CDH23: variants seen among roughly 807,000 people sequenced by gnomAD.
CDH23 encodes the protein cadherin related 23, also known as cadherin-23.
A neutral mutation model predicts 317.1 loss-of-function variants in CDH23; 189 were observed. The ratio of observed to expected loss-of-function variants is 0.60; its 90% CI spans 0.53 to 0.67. The LOEUF (loss-of-function observed/expected upper bound fraction) is 0.67. Ranked by LOEUF, CDH23 falls within the 30% of genes least tolerant of loss-of-function variation. CDH23 has a pLI of 0.00. For synonymous variants in CDH23, 1,839 were observed against 1,876.8 expected, an observed-to-expected ratio of 0.98 and a Z score of 0.52; for missense variants, 4,401 against 4,592.4, an observed-to-expected ratio of 0.96 and a Z score of 1.20.
intron 2 of CDH23, among the ~76,000 whole-genome samples, chr10:71,445,055 G>A (rs1385272828): frequency 6.6e-6 from 1 of 152,198 alleles, no homozygotes; most frequent in East Asian, 1.9e-4. Context: ...CCCAGCCCAT[G>A]TAGGTATCAC....
At chr10:71,574,797 G>T (rs945290790) in intron 8 of CDH23, among the ~76,000 whole-genome samples, 4 of 152,174 alleles carry the variant, frequency 2.6e-5, no homozygotes, top group Non-Finnish European at 5.9e-5. Flanking sequence ...GGGCCTCAGA[G>T]GCTGGGGCTG....
intron 22 of CDH23, 54 bp downstream of exon 22, chr10:71,695,579 G>GC (rs1865356486): frequency 7.8e-6 from 10 of 1,281,396 alleles, no homozygotes; most frequent in Non-Finnish European, 1.1e-5. Context: ...AGGGGTCTGT[G>GC]CCCCTCCCAC....
chr10:71,805,657 C>T, intron 55 of CDH23, 149 bp from the exon 56 acceptor site: 4 of 751,738 alleles, frequency 5.3e-6, no homozygotes, highest in Non-Finnish European at 8.4e-6. Flanking sequence ...CCAGGAGAAT[C>T]CAGCCGAGCA....
chr10:71,632,478 T>A (rs903192975), intron 11 of CDH23, among the ~76,000 whole-genome samples: 2 of 152,102 alleles, frequency 1.3e-5, no homozygotes, highest in Non-Finnish European at 2.9e-5. Context: ...CAGTGGGCAA[T>A]GACAGAGAGC....
In CDH23 at chr10:71,810,472, T is replaced by C. The variant is rs1841882783; in HGVS notation, c.8980T>C (p.Phe2994Leu). Residue 2994 changes from phenylalanine (F) to leucine (L), a missense_variant and splice_region_variant, in exon 62 of 70, where the codon TTC becomes CTC. Coordinates refer to ENST00000224721, the MANE Select transcript of CDH23 (RefSeq NM_022124.6). ...CCCTACAATACCCCTTCTCATCTAG[T>C]TCCATGTGGACAAGAAGGGCCGGGT... ...GAIVNTDNVQ[F>L]HVDKKGRVNF... The C allele has an allele frequency of 3.1e-6, 5 of 1,613,760 alleles. No homozygotes were observed. The highest frequency in any genetic ancestry group is 1.3e-5 in the African/African-American group (1 of 74,936).
rs117199209 is a variant in CDH23 at position 71,528,373 on chromosome 10, A to G, written c.429+17161A>G. Among the ~76,000 whole-genome samples the G allele has an allele frequency of 9.5e-4, 145 of 152,300 alleles. 2 individuals are homozygous for G. The East Asian group carries it at 0.025, about 26-fold the overall frequency. ...GGCGTATGTTGGTAAACTGAGGTCC[A>G]GGACCTCAGTGCCCCCTCGGCCTGG... On this transcript the variant is annotated intron_variant, in intron 6 of 69. Transcript: ENST00000224721.
At chr10:71,536,798 T>C (rs755233890) in intron 6 of CDH23, among the ~76,000 whole-genome samples, 2 of 151,776 alleles carry the variant, frequency 1.3e-5, no homozygotes, top group African/African-American at 2.4e-5. Flanking sequence ...GGATCCCAAG[T>C]GGAGGAGGTG....
intron 11 of CDH23, among the ~76,000 whole-genome samples, chr10:71,622,368 C>G (rs1397381669): frequency 6.6e-6 from 1 of 152,188 alleles, no homozygotes; most frequent in Non-Finnish European, 1.5e-5. Context: ...CACTGGCAGT[C>G]CTGTTTTCCC....
intron 11 of CDH23, among the ~76,000 whole-genome samples, chr10:71,630,458 T>C (rs1861953587): frequency 6.6e-6 from 1 of 152,144 alleles, no homozygotes; most frequent in African/African-American, 2.4e-5. Flanking sequence ...GGTCAGCCGC[T>C]GGATCTGTTT....
At chr10:71,608,725 G>A (rs1306408125) in intron 9 of CDH23, among the ~76,000 whole-genome samples, 5 of 152,214 alleles carry the variant, frequency 3.3e-5, no homozygotes, top group Non-Finnish European at 7.3e-5. Flanking sequence ...ACTGCACAGG[G>A]CAGCTGCCTC....
intron 38 of CDH23, among the ~76,000 whole-genome samples, chr10:71,746,746 G>A (rs1341934622): frequency 1.3e-5 from 2 of 152,184 alleles, no homozygotes; most frequent in Non-Finnish European, 2.9e-5. Flanking sequence ...GTGAATTGCA[G>A]CCAACCGATA....
intron 11 of CDH23, among the ~76,000 whole-genome samples, chr10:71,637,235 G>A (rs1862318674): frequency 6.6e-6 from 1 of 152,156 alleles, no homozygotes; most frequent in Non-Finnish European, 1.5e-5. Flanking sequence ...GAGGAAGGAG[G>A]GAAACCTGCG....
At chr10:71,449,703 G>A (rs1850340372) in intron 3 of CDH23, among the ~76,000 whole-genome samples, 1 of 152,202 alleles carries the variant, frequency 6.6e-6, no homozygotes, top group Non-Finnish European at 1.5e-5. Context: ...TGTAGCTTCT[G>A]TGAATGTGCT....
rs1325874577 is a variant in CDH23 at position 71,731,016 on chromosome 10, C to G, written c.3715+412C>G. On this transcript the variant is annotated intron_variant, in intron 31 of 69. Coordinates refer to ENST00000224721, the MANE Select transcript of CDH23 (RefSeq NM_022124.6). Reference sequence around the variant, plus strand: ...CAGGACCAGCTCAGGGCCTAGCACACGCAGACCCCCTGACCCTGTACAAGG... The same window carrying G: ...CAGGACCAGCTCAGGGCCTAGCACAGGCAGACCCCCTGACCCTGTACAAGG... Among the ~76,000 whole-genome samples the G allele has an allele frequency of 2.0e-5, 3 of 152,236 alleles. No individual in the cohort carries two copies. The East Asian group carries it at 5.8e-4, about 29-fold the overall frequency.
intron 3 of CDH23, 114 bp from the exon 4 acceptor site, chr10:71,509,968 G>T: frequency 8.3e-7 from 1 of 1,208,496 alleles, no homozygotes. Context: ...GTGGCCTGCT[G>T]GAGGATTGCT....
chr10:71,803,258 A>G lies in CDH23; in HGVS notation c.7710A>G (p.Pro2570=). 6.3e-7 allele frequency: 1 copy of G among 1,597,094 alleles called. No individual in the cohort carries two copies. The highest frequency in any genetic ancestry group is 1.3e-5 in the African/African-American group (1 of 74,614). ...MDSGLVTTQR[P]LQSYEKFSLT... ...CGGGCTTGGTGACCACACAGCGGCC[A>G]CTGCAGTCCTACGAGAAGTTCAGTC... Residue 2570 remains proline, a synonymous_variant, in exon 55 of 70, where the codon CCA becomes CCG. Coordinates refer to ENST00000224721, the MANE Select transcript of CDH23 (RefSeq NM_022124.6).
rs548782002 is a variant in CDH23, at chr10:71,600,664, G to A, written c.833-14840G>A. Among the ~76,000 whole-genome samples, 133 of 151,856 alleles carry A rather than the reference G, an allele frequency of 8.8e-4. 1 individual carries two copies. Among genetic ancestry groups the A allele is most frequent in the Non-Finnish European group, 1.6e-3 (112 of 67,952 alleles). On this transcript the variant is annotated intron_variant, in intron 9 of 69. Transcript: ENST00000224721. ...CCTGAGTAGCTGGGACTACGGACAC[G>A]CACCACCACGCCCAGCTAATTTTTT...
intron 6 of CDH23, among the ~76,000 whole-genome samples, chr10:71,516,346 G>A (rs1196158248): frequency 6.6e-6 from 1 of 152,154 alleles, no homozygotes; most frequent in Non-Finnish European, 1.5e-5. Flanking sequence ...GAGGTGGAGG[G>A]TCCTTGCCTG....
intron 3 of CDH23, among the ~76,000 whole-genome samples, chr10:71,498,801 G>A (rs939547365): frequency 6.6e-6 from 1 of 152,248 alleles, no homozygotes; most frequent in African/African-American, 2.4e-5. Flanking sequence ...TATTTGCTAT[G>A]TCAGAGGCAG....
Sources: allele counts gnomAD v4.1 joint callset (sites outside exome capture counted in the v4.1 genomes callset), GRCh38; gene constraint gnomAD v4.1.1; transcripts MANE v1.5; gene names NCBI Gene and HGNC (gene_info 2026-07-23, HGNC 2026-07-21).